Variants in DISC1 observed in about 807,000 individuals in gnomAD.
The protein encoded by DISC1 is DISC1 scaffold protein, also known as disrupted in schizophrenia 1 protein.
Under a neutral mutation model 84.5 loss-of-function variants are expected in DISC1, and 57 were observed. That is an observed-to-expected ratio of 0.67 (90% CI 0.55 to 0.84). The LOEUF (loss-of-function observed/expected upper bound fraction) is 0.84. DISC1 is among the 40% of genes least tolerant of loss of function. The probability of loss-of-function intolerance (pLI) is 0.00; values close to 1 mark genes in which losing one functional copy is unlikely to be tolerated. For synonymous variants in DISC1, 411 were observed against 415.2 expected, an observed-to-expected ratio of 0.99 and a Z score of 0.12; for missense variants, 1,000 against 1,057.8, an observed-to-expected ratio of 0.95 and a Z score of 0.76.
chr1:231,634,712 A>G (rs1036974311), intron 1 of DISC1, among the ~76,000 whole-genome samples: 2 of 152,148 alleles, frequency 1.3e-5, no homozygotes, highest in African/African-American at 4.8e-5. Context: ...ACTAGCACCT[A>G]CTGTATACAC....
chr1:231,934,532 A>G (rs1378281963), intron 9 of DISC1, among the ~76,000 whole-genome samples: 1 of 152,232 alleles, frequency 6.6e-6, no homozygotes, highest in Non-Finnish European at 1.5e-5. Flanking sequence ...CGCAAATCAC[A>G]GTAGAAATAT....
chr1:231,877,891 G>T (rs1178351905), intron 9 of DISC1, among the ~76,000 whole-genome samples: 2 of 152,172 alleles, frequency 1.3e-5, no homozygotes, highest in Non-Finnish European at 2.9e-5. Context: ...TAAATTCAAA[G>T]ATATAAAATG....
intron 1 of DISC1, among the ~76,000 whole-genome samples, chr1:231,693,296 C>T (rs199847164): frequency 1.3e-5 from 2 of 152,252 alleles, no homozygotes; most frequent in African/African-American, 2.4e-5. Context: ...CCATACATTG[C>T]GGCACAGCCA....
At chr1:231,629,014 G>A (rs547403267) in intron 1 of DISC1, among the ~76,000 whole-genome samples, 1 of 152,250 alleles carries the variant, frequency 6.6e-6, no homozygotes, top group South Asian at 2.1e-4. Flanking sequence ...TAGGATTACA[G>A]GCATGAGCCA....
At chr1:231,879,465 A>G (rs1284887861) in intron 9 of DISC1, among the ~76,000 whole-genome samples, 1 of 151,888 alleles carries the variant, frequency 6.6e-6, no homozygotes, top group Non-Finnish European at 1.5e-5. Flanking sequence ...ATAGCCAGTG[A>G]TGTGATCAGA....
intron 9 of DISC1, among the ~76,000 whole-genome samples, chr1:231,916,043 C>T (rs1462850416): frequency 6.6e-6 from 1 of 152,160 alleles, no homozygotes; most frequent in Non-Finnish European, 1.5e-5. Flanking sequence ...CGAAGAGTAG[C>T]TCTTTTCCAC....
intron 9 of DISC1, among the ~76,000 whole-genome samples, chr1:231,863,933 G>A (rs60662954): frequency 2.6e-5 from 4 of 152,126 alleles, no homozygotes; most frequent in Non-Finnish European, 5.9e-5. Flanking sequence ...TCACTGTGTC[G>A]CCTGAAGAGA....
Position 231,793,660 on chromosome 1 carries a change from G to A in DISC1, c.1635-1582G>A, listed in dbSNP as rs186666471. Among the ~76,000 whole-genome samples the A allele has an allele frequency of 5.7e-3, 865 of 152,068 alleles. 9 individuals are homozygous for A. Among genetic ancestry groups the A allele is most frequent in the African/African-American group, 0.02 (815 of 41,472 alleles). On this transcript the variant is annotated intron_variant, in intron 6 of 12. Coordinates refer to ENST00000439617, the MANE Select transcript of DISC1 (RefSeq NM_018662.3). ...CCTCCAAATCATCTCTCATAGTGCA[G>A]CCCAATTATTTTTCTAAAAAACAAA...
chr1:231,943,233 T>C (rs966087261), intron 9 of DISC1, among the ~76,000 whole-genome samples: 4 of 152,366 alleles, frequency 2.6e-5, no homozygotes, highest in East Asian at 1.9e-4. Flanking sequence ...CAGCTGCCAT[T>C]GAAAAGAGTT....
At chr1:231,972,991 G>C (rs1662225283) in intron 10 of DISC1, among the ~76,000 whole-genome samples, 1 of 151,450 alleles carries the variant, frequency 6.6e-6, no homozygotes, top group Non-Finnish European at 1.5e-5. Flanking sequence ...ATGGATTCCA[G>C]TCAATTGTAA....
intron 9 of DISC1, among the ~76,000 whole-genome samples, chr1:231,916,527 C>T (rs1366420019): frequency 4.0e-5 from 6 of 149,964 alleles, no homozygotes; most frequent in Admixed American, 1.3e-4. Context: ...TAGTGGCGGG[C>T]GCCTGTAGTC....
chr1:231,797,103 T>C (rs2078824619), intron 7 of DISC1, among the ~76,000 whole-genome samples: 1 of 152,206 alleles, frequency 6.6e-6, no homozygotes, highest in African/African-American at 2.4e-5. Context: ...CTGAGTTTAT[T>C]GACTATCTTC....
At chr1:231,951,811 A>G (rs1218496440) in intron 9 of DISC1, among the ~76,000 whole-genome samples, 2 of 152,026 alleles carry the variant, frequency 1.3e-5, no homozygotes, top group Admixed American at 1.3e-4. Flanking sequence ...CACACCTGTA[A>G]TCTCAGTACT....
chr1:231,931,823 A>C (rs975088786), intron 9 of DISC1, among the ~76,000 whole-genome samples: 18 of 151,842 alleles, frequency 1.2e-4, no homozygotes, highest in African/African-American at 4.4e-4. Context: ...AATTAAAAAA[A>C]ATTTTTTTTT....
intron 1 of DISC1, among the ~76,000 whole-genome samples, chr1:231,690,642 A>C (rs769321192): frequency 6.6e-6 from 1 of 152,162 alleles, no homozygotes; most frequent in Non-Finnish European, 1.5e-5. Context: ...GTCACAGGGG[A>C]TGTCATAAGT....
chr1:231,877,447 T>C (rs11122355), intron 9 of DISC1, among the ~76,000 whole-genome samples: 136,568 of 152,304 alleles, frequency 0.9, 61,317 homozygotes, highest in East Asian at 1. Context: ...ATACACGCAT[T>C]CAGAATTTTG....
intron 2 of DISC1, among the ~76,000 whole-genome samples, chr1:231,700,206 C>T (rs757405782): frequency 6.6e-5 from 10 of 152,158 alleles, no homozygotes; most frequent in African/African-American, 9.7e-5. Context: ...TTGAACAACA[C>T]GGGTTTGAGC....
chr1:231,874,361 A>G (rs1035330547), intron 9 of DISC1, among the ~76,000 whole-genome samples: 2 of 151,374 alleles, frequency 1.3e-5, no homozygotes, highest in Non-Finnish European at 2.9e-5. Context: ...GGGTTTCACC[A>G]TGTTGGCCAG....
rs35379602 is a variant in DISC1, at chr1:231,714,599, A to G, written c.1117+12575A>G. On this transcript the variant is annotated intron_variant, in intron 3 of 12. Transcript: ENST00000439617. ...GATGGAGATGGGGGAGAGAGACAGA[A>G]AGAGAGAAGAGAGAGAAACAGAGAG... is the stretch of plus-strand genomic sequence containing the variant. 6.6e-5 allele frequency among the ~76,000 whole-genome samples: 9 copies of G among 136,966 alleles called. No individual in the cohort carries two copies. In the South Asian group the frequency reaches 1.5e-3, roughly 23 times the overall value. The allele number at this position is 136,966 out of a possible 152,430, so 89.9% of individuals were successfully genotyped here. A position where few individuals can be genotyped will look rare whatever the true frequency, so the allele number is the denominator to read the frequency against.
Sources: allele counts gnomAD v4.1 joint callset (sites outside exome capture counted in the v4.1 genomes callset), GRCh38; gene constraint gnomAD v4.1.1; transcripts MANE v1.5; gene names NCBI Gene and HGNC (gene_info 2026-07-23, HGNC 2026-07-21).